RBPMS: variants seen among roughly 807,000 people sequenced by gnomAD.
RBPMS encodes the protein RNA binding protein, mRNA processing factor, also known as RNA-binding protein with multiple splicing.
In RBPMS, 7 loss-of-function variants were observed where a neutral mutation model predicts 26.8. The observed-to-expected ratio is 0.26, with a 90% CI of 0.15 to 0.49. RBPMS has a LOEUF of 0.49. Ranked by LOEUF, RBPMS falls within the 20% of genes least tolerant of loss-of-function variation. RBPMS has a pLI of 0.98. For missense variants in RBPMS, 186 were observed against 250.0 expected (o/e 0.74, Z 1.73); for synonymous variants, 96 against 93.3 (o/e 1.03, Z -0.17).
rs182301357 is a variant in RBPMS, at chr8:30,435,691, G to A, written c.67-39088G>A. ...GGATGTATGCACAAGCCTATGTGGG[G>A]GTGGATGGGTCAATGGAGTGATGAG... On this transcript the variant is annotated intron_variant, in intron 1 of 8. Coordinates refer to ENST00000397323, the MANE Select transcript of RBPMS (RefSeq NM_001008710.3). 5.7e-3 allele frequency among the ~76,000 whole-genome samples: 875 copies of A among 152,292 alleles called. 4 individuals are homozygous for A. The highest frequency in any genetic ancestry group is 0.014 in the Middle Eastern group (4 of 294).
chr8:30,485,238 T>G (rs1233587459), intron 4 of RBPMS, among the ~76,000 whole-genome samples: 2 of 152,228 alleles, frequency 1.3e-5, no homozygotes, highest in African/African-American at 2.4e-5. Context: ...TTTGTACAGC[T>G]TGTGAGTTAG....
At chr8:30,461,979 G>A (rs1348721226) in intron 1 of RBPMS, among the ~76,000 whole-genome samples, 1 of 152,154 alleles carries the variant, frequency 6.6e-6, no homozygotes, top group Non-Finnish European at 1.5e-5. Context: ...TTTTTACTTA[G>A]TGTAATTCCC....
intron 5 of RBPMS, among the ~76,000 whole-genome samples, chr8:30,525,730 G>C (rs1823510487): frequency 6.6e-6 from 1 of 152,252 alleles, no homozygotes; most frequent in Non-Finnish European, 1.5e-5. Context: ...CTCTAGTACA[G>C]AGAAAGGCAT....
chr8:30,529,257 AC>A (rs893709547), intron 5 of RBPMS, among the ~76,000 whole-genome samples: 11 of 151,978 alleles, frequency 7.2e-5, no homozygotes, highest in African/African-American at 2.7e-4. Flanking sequence ...TATGACATAA[AC>A]CTGCCATTTT....
chr8:30,460,212 C>A (rs1001086214), intron 1 of RBPMS, among the ~76,000 whole-genome samples: 7 of 152,156 alleles, frequency 4.6e-5, no homozygotes, highest in Non-Finnish European at 1.0e-4. Flanking sequence ...AACTAAAAAT[C>A]CAAACTTAAA....
Position 30,558,629 on chromosome 8 carries a change from G to A in RBPMS, c.529-258G>A, listed in dbSNP as rs138571708. ...TTAAAAGGAGGATGAGAGCAGAGGA[G>A]TTGGTGGAACCTCGGGCACTTCTCG... On this transcript the variant is annotated intron_variant, in intron 6 of 8. Transcript: ENST00000397323. The A allele has an allele frequency of 1.6e-3, 927 of 574,902 alleles. 4 individuals are homozygous for A. Among genetic ancestry groups the A allele is most frequent in the African/African-American group, 9.6e-3 (517 of 53,628 alleles). The allele number at this position is 574,902 out of a possible 1,614,324, so 35.6% of individuals were successfully genotyped here. A position where few individuals can be genotyped will look rare whatever the true frequency, so the allele number is the denominator to read the frequency against.
intron 1 of RBPMS, among the ~76,000 whole-genome samples, chr8:30,443,894 C>CTCTT (rs1306645032): frequency 1.3e-5 from 2 of 151,256 alleles, no homozygotes; most frequent in Non-Finnish European, 2.9e-5. Context: ...CGCGCCCAGC[C>CTCTT]TCAGATTTTG....
intron 4 of RBPMS, among the ~76,000 whole-genome samples, chr8:30,501,871 T>C (rs1354141991): frequency 6.6e-6 from 1 of 152,220 alleles, no homozygotes; most frequent in East Asian, 1.9e-4. Flanking sequence ...TTCTCTTGTC[T>C]TCTTCCTATC....
intron 4 of RBPMS, among the ~76,000 whole-genome samples, chr8:30,492,655 A>T (rs1166431816): frequency 2.0e-5 from 3 of 152,182 alleles, no homozygotes; most frequent in Non-Finnish European, 2.9e-5. Context: ...CTAGGAAAAA[A>T]AAATACAAGC....
chr8:30,425,928 G>C (rs1234289099), intron 1 of RBPMS, among the ~76,000 whole-genome samples: 2 of 152,138 alleles, frequency 1.3e-5, no homozygotes, highest in African/African-American at 2.4e-5. Context: ...GATCAAGGCT[G>C]GCCTTTGAGA....
intron 6 of RBPMS, chr8:30,553,722 G>T (rs1199473286): frequency 1.3e-5 from 2 of 152,216 alleles, no homozygotes; most frequent in African/African-American, 4.8e-5. Flanking sequence ...CCATTAGTTT[G>T]AGATAACATT....
chr8:30,544,919 CAG>C lies in RBPMS; in HGVS notation c.528+296_528+297del, dbSNP rs1343328409. On this transcript the variant is annotated intron_variant, in intron 6 of 8. Coordinates refer to ENST00000397323, the MANE Select transcript of RBPMS (RefSeq NM_001008710.3). ...GGGGCAGGTTTATCCACCTGGCTCCCAGCTAGCTAGAGGGCATCACCAGAGTG... is the reference window on the plus strand; with the variant it reads ...GGGGCAGGTTTATCCACCTGGCTCCCCTAGCTAGAGGGCATCACCAGAGTG... 7.4e-6 allele frequency: 11 copies of C among 1,478,890 alleles called. No individual in the cohort carries two copies. In the African/African-American group the frequency reaches 1.4e-4, roughly 19 times the overall value. The allele number at this position is 1,478,890 out of a possible 1,614,324, so 91.6% of individuals were successfully genotyped here.
Position 30,568,152 on chromosome 8 carries a change from A to G in RBPMS, c.*111+1792A>G, listed in dbSNP as rs2151097805. ...CTGATTTTTTGAAGATGAAGCTGAC[A>G]GGTATTAAATGAAAACGGAAGCACT... is the stretch of plus-strand genomic sequence containing the variant. On this transcript the variant is annotated intron_variant, in intron 8 of 8. Transcript: ENST00000397323. 2.0e-5 allele frequency among the ~76,000 whole-genome samples: 3 copies of G among 152,348 alleles called. No homozygotes were observed. The East Asian group carries it at 5.8e-4, about 29-fold the overall frequency.
chr8:30,558,640 C>G, intron 6 of RBPMS: 3 of 584,954 alleles, frequency 5.1e-6, no homozygotes, highest in African/African-American at 1.9e-5. Flanking sequence ...TTGGTGGAAC[C>G]TCGGGCACTT....
chr8:30,478,542 C>A (rs886151799), intron 3 of RBPMS, among the ~76,000 whole-genome samples: 1 of 151,338 alleles, frequency 6.6e-6, no homozygotes, highest in Non-Finnish European at 1.5e-5. Context: ...ACTATGTTGC[C>A]AGGCTGGAGT....
intron 1 of RBPMS, among the ~76,000 whole-genome samples, chr8:30,458,082 T>C (rs1453723946): frequency 4.6e-5 from 7 of 152,168 alleles, no homozygotes; most frequent in African/African-American, 2.4e-5. Context: ...CTCCTGTACA[T>C]TTGAATCATC....
intron 1 of RBPMS, among the ~76,000 whole-genome samples, chr8:30,443,356 CA>C (rs1253061344): frequency 6.6e-6 from 1 of 152,044 alleles, no homozygotes; most frequent in Non-Finnish European, 1.5e-5. Context: ...GATGTAAAAA[CA>C]AAAGGTTGCG....
chr8:30,385,102 G>T lies in RBPMS; in HGVS notation c.10G>T (p.Gly4Cys). 3 of 1,523,740 alleles carry T rather than the reference G, an allele frequency of 2.0e-6. No individual in the cohort carries two copies. The highest frequency in any genetic ancestry group is 2.6e-6 in the Non-Finnish European group (3 of 1,136,888). The allele number at this position is 1,523,740 out of a possible 1,614,324, so 94.4% of individuals were successfully genotyped here. ...AGGAAGGACCGGGAAGATGAACAAC[G>T]GCGGCAAAGCCGAGAAGGAGAACAC... is the stretch of plus-strand genomic sequence containing the variant. MNN[G>C]GKAEKENTPS... The change falls in exon 1 of 9, where the codon GGC becomes TGC. Residue 4 changes from glycine to cysteine, a missense_variant. This residue lies in a region of RBPMS where 38 missense variants were observed against 27.8 expected (regional missense o/e 1.37). Coordinates refer to ENST00000397323, the MANE Select transcript of RBPMS (RefSeq NM_001008710.3).
At chr8:30,441,915 G>A (rs1813120489) in intron 1 of RBPMS, among the ~76,000 whole-genome samples, 1 of 151,904 alleles carries the variant, frequency 6.6e-6, no homozygotes, top group African/African-American at 2.4e-5. Flanking sequence ...TCAGCCTCCC[G>A]AGTAGCTGGG....
Sources: gnomAD v4.1 joint callset for allele counts (sites outside exome capture counted in the v4.1 genomes callset) on GRCh38, gnomAD v4.1.1 for gene constraint, gnomAD v4.1.1 regional missense constraint, MANE v1.5 for transcripts, NCBI Gene and HGNC (gene_info 2026-07-23, HGNC 2026-07-21) for gene names.